CELF2: variants seen among roughly 807,000 people sequenced by gnomAD.
CELF2 encodes the protein CUG triplet repeat RNA-binding protein 2.
In CELF2, 8 loss-of-function variants were observed where a neutral mutation model predicts 62.6. That is an observed-to-expected ratio of 0.13 (90% CI 0.07 to 0.23). The LOEUF (loss-of-function observed/expected upper bound fraction) is 0.23. Among genes scored for constraint, CELF2 ranks in the 10% least tolerant of loss-of-function variants. The pLI is 1.00. For missense variants in CELF2, 333 were observed against 671.0 expected, an observed-to-expected ratio of 0.50 and a Z score of 5.56; for synonymous variants, 258 against 250.0, an observed-to-expected ratio of 1.03 and a Z score of -0.30.
At chr10:11,307,049 T>C (rs915426203) in intron 9 of CELF2, among the ~76,000 whole-genome samples, 12 of 152,194 alleles carry the variant, frequency 7.9e-5, no homozygotes, top group Admixed American at 4.6e-4. Context: ...GCCATCACCA[T>C]TGGGAGTCAG....
chr10:10,822,327 T>C (rs1227184246), intron 1 of CELF2, among the ~76,000 whole-genome samples: 1 of 152,206 alleles, frequency 6.6e-6, no homozygotes, highest in Admixed American at 6.5e-5. Context: ...CAGGAAGTCA[T>C]TGCCTCTTGA....
intron 1 of CELF2, among the ~76,000 whole-genome samples, chr10:10,870,750 C>T (rs1397351017): frequency 6.6e-6 from 1 of 152,192 alleles, no homozygotes; most frequent in Admixed American, 6.5e-5. Context: ...CCCGCCCAGC[C>T]TTCTGCGGTC....
At position 11,243,665 on chromosome 10, in the gene CELF2, T is replaced by G. The variant is rs2074707827; in HGVS notation, c.355-5488T>G. On this transcript the variant is annotated intron_variant, in intron 3 of 12. Coordinates refer to ENST00000633077, the MANE Select transcript of CELF2 (RefSeq NM_001326342.2). The surrounding 1 kb of genome is among the most constrained non-coding windows in gnomAD (Gnocchi z 4.1). ...TCATCGTGACTCAGGAAAACCACTC[T>G]GTAAAGTCAGAGGCTGGTGTTTGTA... 6.6e-6 allele frequency among the ~76,000 whole-genome samples: 1 copy of G among 152,208 alleles called. No individual in the cohort carries two copies. The highest frequency in any genetic ancestry group is 6.5e-5 in the Admixed American group (1 of 15,284).
the CELF2 span, among the ~76,000 whole-genome samples, chr10:10,766,185 A>G: frequency 1.3e-5 from 2 of 152,192 alleles, no homozygotes; most frequent in Non-Finnish European, 2.9e-5. Context: ...GGATGGTGAG[A>G]GGAGCCAATC....
rs1564985404 is a variant in CELF2, at chr10:11,157,387, T to TTC, written c.75-8099_75-8098insTC. On this transcript the variant is annotated intron_variant, in intron 1 of 12. Coordinates refer to ENST00000633077, the MANE Select transcript of CELF2 (RefSeq NM_001326342.2). The surrounding 1 kb of genome is among the most constrained non-coding windows in gnomAD (Gnocchi z 4.9). Reference sequence around the variant, plus strand: ...TGTCTTTTGACTTTGATATCCGCCCTCCCCCCACACACACACACACAAAAA... The same window carrying TTC: ...TGTCTTTTGACTTTGATATCCGCCCTTCCCCCCCACACACACACACACAAAAA... 0.01 allele frequency among the ~76,000 whole-genome samples: 1,250 copies of TTC among 124,130 alleles called. 19 individuals carry two copies. Among genetic ancestry groups the TTC allele is most frequent in the African/African-American group, 0.035 (1,180 of 34,028 alleles). The allele number at this position is 124,130 out of a possible 152,430, so 81.4% of individuals were successfully genotyped here. A position where few individuals can be genotyped will look rare whatever the true frequency, so the allele number is the denominator to read the frequency against.
At chr10:10,688,649 G>T in the CELF2 span, among the ~76,000 whole-genome samples, 2,459 of 152,240 alleles carry the variant, frequency 0.016, 31 homozygotes, top group African/African-American at 0.038. Flanking sequence ...CCCTAAGAAT[G>T]GAACCAATAC....
chr10:10,826,658 C>A (rs2057414448), intron 1 of CELF2, among the ~76,000 whole-genome samples: 3 of 152,158 alleles, frequency 2.0e-5, no homozygotes, highest in Admixed American at 2.0e-4. Flanking sequence ...GGTTCTATCT[C>A]TGAGAAGTTC....
At chr10:10,808,168 G>A (rs1356053583) in intron 1 of CELF2, among the ~76,000 whole-genome samples, 1 of 152,104 alleles carries the variant, frequency 6.6e-6, no homozygotes, top group Non-Finnish European at 1.5e-5. Context: ...TAAAATAATT[G>A]CTGGAATTAT....
chr10:10,886,608 A>G (rs915192376), intron 1 of CELF2, among the ~76,000 whole-genome samples: 1 of 152,240 alleles, frequency 6.6e-6, no homozygotes, highest in Non-Finnish European at 1.5e-5. Flanking sequence ...AGGCCAAGGC[A>G]GGAGGATGGC....
the CELF2 span, among the ~76,000 whole-genome samples, chr10:10,584,494 A>T: frequency 2.0e-4 from 30 of 152,210 alleles, no homozygotes; most frequent in African/African-American, 6.8e-4. Context: ...ACATACTACT[A>T]AGTTAGGTTT....
At chr10:11,298,905 G>T (rs1247478980) in intron 9 of CELF2, among the ~76,000 whole-genome samples, 6 of 152,216 alleles carry the variant, frequency 3.9e-5, no homozygotes, top group East Asian at 3.8e-4. Flanking sequence ...GTTTAACTGG[G>T]TTAAAACTAG....
chr10:10,958,002 G>T lies in CELF2; in HGVS notation c.89+38003G>T, dbSNP rs1012469758. Among the ~76,000 whole-genome samples the T allele has an allele frequency of 5.9e-5, 9 of 152,326 alleles. No homozygotes were observed. The South Asian group carries it at 1.9e-3, about 32-fold the overall frequency. ...ATGAAATCTTCACCAGGTGGAGGGT[G>T]AAGTAAGCAAATTAAATGTGAGTGG... On this transcript the variant is annotated intron_variant, in intron 2 of 13. Coordinates refer to the CELF2 transcript ENST00000636488.
At chr10:10,649,670 C>A in the CELF2 span, among the ~76,000 whole-genome samples, 3 of 152,148 alleles carry the variant, frequency 2.0e-5, no homozygotes, top group Admixed American at 2.0e-4. Flanking sequence ...TTCAATGATT[C>A]CCTCATGCAT....
At chr10:10,469,765 A>C in the CELF2 span, among the ~76,000 whole-genome samples, 1 of 151,838 alleles carries the variant, frequency 6.6e-6, no homozygotes, top group Non-Finnish European at 1.5e-5. Context: ...CCAGTAAGCT[A>C]TCTGTGCCTG....
chr10:10,939,861 G>A (rs1354678744), intron 2 of CELF2, among the ~76,000 whole-genome samples: 1 of 152,090 alleles, frequency 6.6e-6, no homozygotes, highest in Non-Finnish European at 1.5e-5. Context: ...GGCTGAGGCA[G>A]GAGAATGGTG....
chr10:10,817,328 G>T (rs942716057), intron 1 of CELF2, among the ~76,000 whole-genome samples: 1 of 152,080 alleles, frequency 6.6e-6, no homozygotes, highest in African/African-American at 2.4e-5. Context: ...CAAGCCAATA[G>T]CACTCTTTAA....
At chr10:11,193,837 C>T (rs914733149) in intron 2 of CELF2, among the ~76,000 whole-genome samples, 1 of 152,128 alleles carries the variant, frequency 6.6e-6, no homozygotes, top group South Asian at 2.1e-4. Flanking sequence ...TATGACGCTT[C>T]ATGTTTATAG....
chr10:11,245,515 C>T (rs955004809), intron 3 of CELF2, among the ~76,000 whole-genome samples: 3 of 152,226 alleles, frequency 2.0e-5, no homozygotes, highest in Admixed American at 6.5e-5. Context: ...TGACAATCCA[C>T]GGCTCTGCGA....
At chr10:10,858,194 C>A (rs1274326522) in intron 1 of CELF2, among the ~76,000 whole-genome samples, 1 of 151,902 alleles carries the variant, frequency 6.6e-6, no homozygotes, top group Non-Finnish European at 1.5e-5. Flanking sequence ...AAACTACAAA[C>A]CCACAGGTCC....
Sources: gnomAD v4.1 joint callset for allele counts (sites outside exome capture counted in the v4.1 genomes callset) on GRCh38, gnomAD v4.1.1 for gene constraint, Gnocchi (gnomAD v3.1) non-coding constraint, MANE v1.5 for transcripts, NCBI Gene and HGNC (gene_info 2026-07-23, HGNC 2026-07-21) for gene names.